Variants in RABGEF1 observed in about 807,000 individuals in gnomAD.
RABGEF1 encodes RAB guanine nucleotide exchange factor 1, also known as rab5 GDP/GTP exchange factor.
RABGEF1 carries 26 observed loss-of-function variants against 57.3 expected under a neutral mutation model. That is an observed-to-expected ratio of 0.45 (90% CI 0.33 to 0.63). RABGEF1 has a LOEUF of 0.63. Among genes scored for constraint, RABGEF1 ranks in the 20% least tolerant of loss-of-function variants. The probability of loss-of-function intolerance (pLI) is 0.02; values close to 1 mark genes in which losing one functional copy is unlikely to be tolerated. For synonymous variants in RABGEF1, 185 were observed against 210.7 expected, an observed-to-expected ratio of 0.88 and a Z score of 1.06; for missense variants, 464 against 607.6, an observed-to-expected ratio of 0.76 and a Z score of 2.48.
At chr7:66,798,341 C>G (rs1235137991) in intron 6 of RABGEF1, among the ~76,000 whole-genome samples, 2 of 151,976 alleles carry the variant, frequency 1.3e-5, no homozygotes, top group African/African-American at 4.8e-5. Flanking sequence ...CAAGGCTGAG[C>G]TGATGAGGTG....
intron 1 of RABGEF1, among the ~76,000 whole-genome samples, chr7:66,692,953 C>T (rs1000713150): frequency 6.6e-6 from 1 of 152,154 alleles, no homozygotes; most frequent in Non-Finnish European, 1.5e-5. Context: ...TAATACCAGG[C>T]TCAAGGCCCC....
chr7:66,784,413 C>T (rs904254724), intron 4 of RABGEF1, among the ~76,000 whole-genome samples: 2 of 152,174 alleles, frequency 1.3e-5, no homozygotes, highest in Non-Finnish European at 2.9e-5. Flanking sequence ...CCAATGTCAA[C>T]CAGAACTTGT....
chr7:66,762,596 G>T (rs1205712077), intron 1 of RABGEF1, among the ~76,000 whole-genome samples: 1 of 150,474 alleles, frequency 6.6e-6, no homozygotes, highest in East Asian at 2.0e-4. Context: ...CTCAAGAAAA[G>T]AAAAGAAAAA....
chr7:66,804,998 A>G, intron 7 of RABGEF1, 142 bp from the exon 8 acceptor site: 1 of 925,210 alleles, frequency 1.1e-6, no homozygotes, highest in Non-Finnish European at 1.6e-6. Context: ...CATATTTACT[A>G]AGTTATTATA....
rs190952121 is a variant in RABGEF1, at chr7:66,703,219, G to A, written c.-872-8948G>A. Among the ~76,000 whole-genome samples the A allele has an allele frequency of 5.5e-4, 83 of 152,232 alleles. 1 individual carries two copies. In the South Asian group the frequency reaches 0.012, roughly 22 times the overall value. ...TCATCTCCTGACCTCGTGCCCGCCC[G>A]CCTTGGCCTCCCAAAGTGCTGGGAT... On this transcript the variant is annotated intron_variant and NMD_transcript_variant, in intron 1 of 9. Transcript: ENST00000607882.
At chr7:66,772,727 G>A (rs1485275533) in intron 2 of RABGEF1, among the ~76,000 whole-genome samples, 1 of 151,890 alleles carries the variant, frequency 6.6e-6, no homozygotes. Flanking sequence ...TGACCAACAT[G>A]GTGAAACCCC....
intron 2 of RABGEF1, among the ~76,000 whole-genome samples, chr7:66,728,849 C>T (rs762992815): frequency 2.6e-5 from 4 of 151,664 alleles, no homozygotes; most frequent in Admixed American, 2.0e-4. Context: ...TACACCTACA[C>T]GTCTATCCTC....
At chr7:66,732,277 C>T (rs972118161) in intron 2 of RABGEF1, among the ~76,000 whole-genome samples, 5 of 152,172 alleles carry the variant, frequency 3.3e-5, no homozygotes, top group East Asian at 3.9e-4. Flanking sequence ...CGTCTGGACA[C>T]GGAGCCTCAT....
intron 1 of RABGEF1, among the ~76,000 whole-genome samples, chr7:66,687,939 G>A (rs1026208030): frequency 6.6e-6 from 1 of 152,014 alleles, no homozygotes; most frequent in African/African-American, 2.4e-5. Context: ...TACAAAATTA[G>A]CCAGGCGTGG....
rs1237690800 is a variant in RABGEF1 at position 66,763,126 on chromosome 7, G to C, written c.-17-8757G>C. ...AGTCGTCCTACTTCAGCCTTCCTAA[G>C]TGCTGGGAATACAGGCGTGAGCCAT... On this transcript the variant is annotated intron_variant, in intron 1 of 8. Transcript: ENST00000284957. 2.0e-5 allele frequency among the ~76,000 whole-genome samples: 3 copies of C among 152,196 alleles called. No individual in the cohort carries two copies. The East Asian group carries it at 5.8e-4, about 29-fold the overall frequency.
At chr7:66,749,694 A>G (rs1462555704) in intron 1 of RABGEF1, among the ~76,000 whole-genome samples, 2 of 152,122 alleles carry the variant, frequency 1.3e-5, no homozygotes, top group Non-Finnish European at 2.9e-5. Flanking sequence ...CAAACAGGCC[A>G]GGCACGGTGG....
intron 8 of RABGEF1, among the ~76,000 whole-genome samples, chr7:66,806,640 C>CT (rs71997947): frequency 0.12 from 14,120 of 114,624 alleles, 1,463 homozygotes; most frequent in Non-Finnish European, 0.14. Flanking sequence ...CTCATATATC[C>CT]TTTTTTTTTT....
upstream of RABGEF1, among the ~76,000 whole-genome samples, chr7:66,737,426 G>T (rs866042469): frequency 6.7e-6 from 1 of 149,630 alleles, no homozygotes; most frequent in Non-Finnish European, 1.5e-5. Flanking sequence ...GCTATCCTAC[G>T]CAATACGAGA....
chr7:66,715,730 C>A lies in RABGEF1; in HGVS notation c.-815+3506C>A, dbSNP rs80032171. On this transcript the variant is annotated intron_variant and NMD_transcript_variant, in intron 2 of 9. Transcript: ENST00000607882. ...TTTATTTTGTGACCAAGGACATAAT[C>A]TTAGTGAATGTTCTATATGCTTTTT... 5.1e-4 allele frequency among the ~76,000 whole-genome samples: 78 copies of A among 151,886 alleles called. No homozygotes were observed. In the East Asian group the frequency reaches 0.012, roughly 23 times the overall value.
At chr7:66,774,838 C>A (rs1454152808) in intron 2 of RABGEF1, among the ~76,000 whole-genome samples, 4 of 152,188 alleles carry the variant, frequency 2.6e-5, no homozygotes, top group Admixed American at 2.6e-4. Context: ...TCGTCAGACT[C>A]CCCCAGCAGA....
intron 1 of RABGEF1, among the ~76,000 whole-genome samples, chr7:66,748,627 G>A (rs1308242118): frequency 6.6e-6 from 1 of 152,146 alleles, no homozygotes; most frequent in African/African-American, 2.4e-5. Context: ...GTTCAAGGGT[G>A]CCACACAAAC....
intron 3 of RABGEF1, among the ~76,000 whole-genome samples, chr7:66,776,284 C>T (rs1808513233): frequency 6.6e-6 from 1 of 152,200 alleles, no homozygotes; most frequent in African/African-American, 2.4e-5. Flanking sequence ...AATAATAAGA[C>T]AGTGTTACTT....
rs541100411 is a variant in RABGEF1, at chr7:66,683,841, A to G, written c.-873+1583A>G. ...CTGAAGTCTCAACTGCCTGGGCTCA[A>G]GTGAACCTCCCACCTCAACCTCCCG... On this transcript the variant is annotated intron_variant and NMD_transcript_variant, in intron 1 of 9. Coordinates refer to the RABGEF1 transcript ENST00000607882. 3.3e-5 allele frequency among the ~76,000 whole-genome samples: 5 copies of G among 152,214 alleles called. No homozygotes were observed. In the East Asian group the frequency reaches 9.6e-4, roughly 29 times the overall value.
At chr7:66,808,157 C>T (rs992569617) in intron 8 of RABGEF1, 1 of 151,938 alleles carries the variant, frequency 6.6e-6, no homozygotes, top group African/African-American at 2.4e-5. Context: ...CGGTCACTCA[C>T]TGTTGTTGTT....
Sources: gnomAD v4.1 joint callset for allele counts (sites outside exome capture counted in the v4.1 genomes callset) on GRCh38, gnomAD v4.1.1 for gene constraint, MANE v1.5 for transcripts, NCBI Gene and HGNC (gene_info 2026-07-23, HGNC 2026-07-21) for gene names.